Variants in MYO19 observed in about 807,000 individuals in gnomAD.
MYO19 encodes myosin XIX.
MYO19 carries 132 observed loss-of-function variants against 129.2 expected under a neutral mutation model. The ratio of observed to expected loss-of-function variants is 1.02; its 90% CI spans 0.89 to 1.18. The LOEUF (loss-of-function observed/expected upper bound fraction) is 1.18. Among genes scored for constraint, MYO19 ranks in the 50% most tolerant of loss-of-function variants. The pLI, the probability that MYO19 is intolerant of heterozygous loss-of-function variation, is 0.00. For synonymous variants in MYO19, 531 were observed against 477.2 expected, an observed-to-expected ratio of 1.11 and a Z score of -1.47; for missense variants, 1,210 against 1,216.7, an observed-to-expected ratio of 0.99 and a Z score of 0.08.
chr17:36,528,440 G>A (rs1464758693), intron 3 of MYO19, among the ~76,000 whole-genome samples: 2 of 152,094 alleles, frequency 1.3e-5, no homozygotes, highest in Non-Finnish European at 2.9e-5. Context: ...GAACCCGGGA[G>A]GCGGAGCTTG....
chr17:36,507,932 G>C lies in MYO19; in HGVS notation c.1232-8C>G, dbSNP rs571010580. On this transcript the variant is annotated splice_region_variant and splice_polypyrimidine_tract_variant and intron_variant, in intron 14 of 25. Transcript: ENST00000614623. ...CATACACATCCAGCAGGCCTGGGAAGATGGCAGAGAACCCATGGGGCCACT... is the reference window on the plus strand; with the variant it reads ...CATACACATCCAGCAGGCCTGGGAACATGGCAGAGAACCCATGGGGCCACT... 1 of 1,592,162 alleles carries C rather than the reference G, an allele frequency of 6.3e-7. No individual in the cohort carries two copies. The highest frequency in any genetic ancestry group is 1.7e-5 in the Admixed American group (1 of 57,820).
intron 6 of MYO19, among the ~76,000 whole-genome samples, chr17:36,519,069 A>AT (rs1241129472): frequency 1.3e-5 from 2 of 152,066 alleles, no homozygotes; most frequent in Admixed American, 6.6e-5. Flanking sequence ...TAATTTTTGT[A>AT]TTTTTTTGTA....
intron 6 of MYO19, among the ~76,000 whole-genome samples, chr17:36,519,837 T>C (rs927582015): frequency 3.3e-5 from 5 of 152,184 alleles, no homozygotes; most frequent in South Asian, 2.1e-4. Context: ...AAAAATATTT[T>C]TGCTGATAAC....
chr17:36,538,009 G>A (rs775316832), upstream of MYO19: 9 of 1,613,986 alleles, frequency 5.6e-6, no homozygotes, highest in South Asian at 3.3e-5. Context: ...AATGCCAACC[G>A]CGAAGGAATA....
intron 11 of MYO19, chr17:36,512,551 G>A: frequency 8.7e-7 from 1 of 1,153,520 alleles, no homozygotes; most frequent in Non-Finnish European, 1.1e-6. Flanking sequence ...CAGAAGGGCT[G>A]TGGCAGAGGG....
rs137889722 is a variant in MYO19 at position 36,525,719 on chromosome 17, T to C, written c.301-378A>G. ...TAATTGGAAATATAACCCTATTTTATAGATAAGGAATGTGAGGTTCAGAGG... is the reference window on the plus strand; with the variant it reads ...TAATTGGAAATATAACCCTATTTTACAGATAAGGAATGTGAGGTTCAGAGG... On this transcript the variant is annotated intron_variant, in intron 5 of 25. Coordinates refer to ENST00000614623, the MANE Select transcript of MYO19 (RefSeq NM_001163735.2). Among the ~76,000 whole-genome samples the C allele has an allele frequency of 9.2e-5, 14 of 152,318 alleles. No homozygotes were observed. In the East Asian group the frequency reaches 2.3e-3, roughly 25 times the overall value.
At chr17:36,525,945 C>T (rs2073436960) in intron 5 of MYO19, among the ~76,000 whole-genome samples, 1 of 152,234 alleles carries the variant, frequency 6.6e-6, no homozygotes, top group Admixed American at 6.5e-5. Flanking sequence ...GCAGACAGGG[C>T]TCTCAGGACA....
intron 6 of MYO19, among the ~76,000 whole-genome samples, chr17:36,523,010 A>C (rs1567779177): frequency 2.0e-5 from 3 of 148,398 alleles, no homozygotes; most frequent in South Asian, 2.1e-4. Context: ...CGTCTCAAAA[A>C]AAAAAACAAA....
chr17:36,542,753 G>A (rs2074203594), intron 1 of MYO19, among the ~76,000 whole-genome samples: 1 of 151,360 alleles, frequency 6.6e-6, no homozygotes, highest in Non-Finnish European at 1.5e-5. Context: ...CACTGTAGGA[G>A]CACCTCTAGA....
At chr17:36,501,503 C>T (rs2071530647) in intron 21 of MYO19, 1 of 352,984 alleles carries the variant, frequency 2.8e-6, no homozygotes, top group Non-Finnish European at 5.1e-6. Context: ...TGCCATGAGT[C>T]CCTTTGGGCA....
intron 2 of MYO19, among the ~76,000 whole-genome samples, chr17:36,541,413 G>A (rs2074197352): frequency 6.6e-6 from 1 of 152,162 alleles, no homozygotes; most frequent in Admixed American, 6.5e-5. Flanking sequence ...TTTAAATATA[G>A]TCTATGAAGC....
chr17:36,510,461 A>C (rs1042848672), intron 13 of MYO19, among the ~76,000 whole-genome samples: 4 of 152,186 alleles, frequency 2.6e-5, no homozygotes, highest in Non-Finnish European at 5.9e-5. Flanking sequence ...GGTTCTCTTC[A>C]CCTTGCTGAG....
intron 11 of MYO19, 59 bp from the exon 12 acceptor site, chr17:36,511,514 G>C (rs2072324754): frequency 1.4e-6 from 2 of 1,451,196 alleles, no homozygotes; most frequent in South Asian, 1.2e-5. Flanking sequence ...GCCTACTCTG[G>C]GAAGGGCCGT....
Position 36,496,284 on chromosome 17 carries a change from G to A in MYO19, c.2880C>T (p.His960=), listed in dbSNP as rs752105905. The A allele has an allele frequency of 2.2e-5, 35 of 1,613,924 alleles. No individual in the cohort carries two copies. The highest frequency in any genetic ancestry group is 8.9e-5 in the East Asian group (4 of 44,900). ...QILLERHRLI[H]VTSSAFTGLG ...GCCCAGTGAAGGCAGAAGAGGTCAC[G>A]TGGATCAGCCTGTGTCTTTCCAGCA... is the stretch of plus-strand genomic sequence containing the variant. The change falls in exon 26 of 26, where the codon CAC becomes CAT. Residue 960 remains histidine (H), a synonymous_variant. Transcript: ENST00000614623.
intron 20 of MYO19, among the ~76,000 whole-genome samples, 197 bp from the exon 21 acceptor site, chr17:36,503,397 C>T (rs1369281835): frequency 1.3e-5 from 2 of 152,216 alleles, no homozygotes; most frequent in Admixed American, 6.5e-5. Context: ...CCCATAAAGA[C>T]TATTTAAAAT....
At position 36,525,279 on chromosome 17, in the gene MYO19, A is replaced by T; in HGVS notation, c.363T>A (p.Ile121=). The T allele has an allele frequency of 1.2e-6, 2 of 1,613,996 alleles. No homozygotes were observed. Among genetic ancestry groups the T allele is most frequent in the Non-Finnish European group, 1.7e-6 (2 of 1,179,874 alleles). Residue 121 remains isoleucine (I), a synonymous_variant, in exon 6 of 26, where the codon ATT becomes ATA. Transcript: ENST00000614623. ...EQTYRNVKSL[I]EPVNQSIVVS... ...CAACAATAGACTGGTTGACTGGTTC[A>T]ATCAGGCTCTTGACATTCCTGTAGG...
In MYO19 at chr17:36,499,911, T is replaced by C. The variant is rs1443986488; in HGVS notation, c.2378-751A>G. 3 of 149,116 alleles carry C rather than the reference T, an allele frequency of 2.0e-5. No individual in the cohort carries two copies. The Admixed American group carries it at 2.0e-4, about 10-fold the overall frequency. The allele number at this position is 149,116 out of a possible 1,614,324, so 9.2% of individuals were successfully genotyped here. A position where few individuals can be genotyped will look rare whatever the true frequency, so the allele number is the denominator to read the frequency against. On this transcript the variant is annotated intron_variant, in intron 23 of 25. Coordinates refer to ENST00000614623, the MANE Select transcript of MYO19 (RefSeq NM_001163735.2). ...TCTTGCTCTGTCACCCAGGCTGGAG[T>C]GTAATGGTGCAATCTCAGCTCACTG... is the stretch of plus-strand genomic sequence containing the variant.
At chr17:36,516,840 G>C (rs1269800982) in intron 6 of MYO19, among the ~76,000 whole-genome samples, 3 of 152,194 alleles carry the variant, frequency 2.0e-5, no homozygotes, top group Non-Finnish European at 2.9e-5. Context: ...GTTGCAGTAA[G>C]GTGGCAACTT....
In MYO19 at chr17:36,500,915, A is replaced by G; in HGVS notation, c.2292T>C (p.Cys764=). The change falls in exon 23 of 26, where the codon TGT becomes TGC. Residue 764 remains cysteine, a synonymous_variant. Coordinates refer to ENST00000614623, the MANE Select transcript of MYO19 (RefSeq NM_001163735.2). The part of the protein sequence containing the change: ...ECGRARVLEQ[C]ARCIQGGWRR... The stretch of plus-strand genomic sequence containing the variant: ...TCCAGCCACCCTGGATGCAGCGGGC[A>G]CACTGCTCCAGCACCCGGGCACGCC... 6.2e-7 allele frequency: 1 copy of G among 1,610,584 alleles called. No homozygotes were observed. Among genetic ancestry groups the G allele is most frequent in the Non-Finnish European group, 8.5e-7 (1 of 1,179,174 alleles).
Sources: allele counts gnomAD v4.1 joint callset (sites outside exome capture counted in the v4.1 genomes callset), GRCh38; gene constraint gnomAD v4.1.1; transcripts MANE v1.5; gene names NCBI Gene and HGNC (gene_info 2026-07-23, HGNC 2026-07-21).